ADD1: variants seen among roughly 807,000 people sequenced by gnomAD.
The protein encoded by ADD1 is adducin 1.
A neutral mutation model predicts 80.5 loss-of-function variants in ADD1; 24 were observed. The observed-to-expected ratio is 0.30, with a 90% CI of 0.22 to 0.42. The LOEUF (loss-of-function observed/expected upper bound fraction) is 0.42, where lower values mean the gene tolerates loss of function less well. Among genes scored for constraint, ADD1 ranks in the 10% least tolerant of loss-of-function variants. ADD1 has a pLI of 1.00. For synonymous variants in ADD1, 373 were observed against 393.8 expected (o/e 0.95, Z 0.63); for missense variants, 948 against 1,019.0 (o/e 0.93, Z 0.95).
At position 2,876,393 on chromosome 4, in the gene ADD1, A is replaced by G. The variant is rs1577515420; in HGVS notation, c.195+283A>G. 7 of 241,892 alleles carry G rather than the reference A, an allele frequency of 2.9e-5. No individual in the cohort carries two copies. In the East Asian group the frequency reaches 5.6e-4, roughly 19 times the overall value. 15.0% of individuals were successfully genotyped at this position (241,892 alleles called of 1,614,324 possible). On this transcript the variant is annotated intron_variant, in intron 2 of 15. Transcript: ENST00000683351. ...CCTTATATATTGGGGCAATTTTTAA[A>G]TTACAATTAAAAAAATACCTAGCTT... is the stretch of plus-strand genomic sequence containing the variant.
intron 4 of ADD1, among the ~76,000 whole-genome samples, chr4:2,893,003 C>G (rs1423466759): frequency 6.6e-6 from 1 of 152,090 alleles, no homozygotes; most frequent in Non-Finnish European, 1.5e-5. Flanking sequence ...GCAACCTCTG[C>G]CTCCTGGGTT....
intron 14 of ADD1, among the ~76,000 whole-genome samples, chr4:2,922,569 C>T (rs1219539264): frequency 6.6e-6 from 1 of 152,248 alleles, no homozygotes; most frequent in African/African-American, 2.4e-5. Context: ...TATGAGGTGT[C>T]TGTTGACCCC....
chr4:2,883,000 T>G (rs1365630421), intron 3 of ADD1, among the ~76,000 whole-genome samples: 1 of 152,166 alleles, frequency 6.6e-6, no homozygotes, highest in Non-Finnish European at 1.5e-5. Flanking sequence ...TAGCTGAGAT[T>G]ACAGGCACAC....
In ADD1 at chr4:2,926,122, G is replaced by A. The variant is rs1264079690; in HGVS notation, c.2047+10G>A. The A allele has an allele frequency of 6.2e-7, 1 of 1,610,682 alleles. No individual in the cohort carries two copies. The highest frequency in any genetic ancestry group is 1.3e-5 in the African/African-American group (1 of 74,894). On this transcript the variant is annotated intron_variant, in intron 15 of 15. Coordinates refer to ENST00000683351, the MANE Select transcript of ADD1 (RefSeq NM_001354761.2). The surrounding 1 kb of genome is among the most constrained non-coding windows in gnomAD (Gnocchi z 5.0). ...ATCAAGCTGGAGGAAGGTGAGCTCTGGGTGGCAGCGGCCGCCACTGTGGGA... is the reference window on the plus strand; with the variant it reads ...ATCAAGCTGGAGGAAGGTGAGCTCTAGGTGGCAGCGGCCGCCACTGTGGGA...
chr4:2,861,987 A>C (rs7654786), intron 1 of ADD1, among the ~76,000 whole-genome samples: 1 of 152,100 alleles, frequency 6.6e-6, no homozygotes, highest in South Asian at 2.1e-4. Flanking sequence ...GCCCGAGACA[A>C]TTCTTCTTCC....
At position 2,911,431 on chromosome 4, in the gene ADD1, C is replaced by CATAT. The variant is rs1553848842; in HGVS notation, c.1791+2015_1791+2018dup. ...GCAGCATAACATGTAACCTGAAATA[C>CATAT]ATATATATATATATATATTTTTTTT... is the stretch of plus-strand genomic sequence containing the variant. On this transcript the variant is annotated intron_variant, in intron 13 of 15. Coordinates refer to ENST00000683351, the MANE Select transcript of ADD1 (RefSeq NM_001354761.2). 3.2e-4 allele frequency among the ~76,000 whole-genome samples: 45 copies of CATAT among 140,884 alleles called. 1 individual carries two copies. Among genetic ancestry groups the CATAT allele is most frequent in the East Asian group, 2.5e-3 (12 of 4,886 alleles). The allele number at this position is 140,884 out of a possible 152,430, so 92.4% of individuals were successfully genotyped here. A position where few individuals can be genotyped will look rare whatever the true frequency, so the allele number is the denominator to read the frequency against.
chr4:2,874,252 AGTTC>A (rs1730894953), intron 1 of ADD1, among the ~76,000 whole-genome samples: 1 of 152,140 alleles, frequency 6.6e-6, no homozygotes, highest in Non-Finnish European at 1.5e-5. Flanking sequence ...TGAGGTCATT[AGTTC>A]GTTTATTCTA....
rs766815556 is a variant in ADD1, at chr4:2,928,370, G to C, written c.2247G>C (p.Pro749=). 4 of 1,613,312 alleles carry C rather than the reference G, an allele frequency of 2.5e-6. No homozygotes were observed. Among genetic ancestry groups the C allele is most frequent in the Non-Finnish European group, 3.4e-6 (4 of 1,179,850 alleles). ...ASPEPAPDPA[P]VAEEAAPSAV... ...CCGAGCCAGCCCCAGACCCAGCCCC[G>C]GTGGCTGAAGAGGCTGCCCCCTCAG... Residue 749 remains proline (P), a synonymous_variant, in exon 16 of 16, where the codon CCG becomes CCC. Coordinates refer to ENST00000683351, the MANE Select transcript of ADD1 (RefSeq NM_001354761.2).
At position 2,852,306 on chromosome 4, in the gene ADD1, C is replaced by CT. The variant is rs1171852927; in HGVS notation, c.-21+8290dup. On this transcript the variant is annotated intron_variant, in intron 1 of 15. Transcript: ENST00000683351. ...CTTTTCTTTTCTTTTCTTTTCTTTT[C>CT]TTTTTTTTCTTTTCTTTTCTTTCTT... Among the ~76,000 whole-genome samples the CT allele has an allele frequency of 2.8e-4, 17 of 60,394 alleles. 1 individual carries two copies. The highest frequency in any genetic ancestry group is 8.2e-4 in the African/African-American group (14 of 16,970). 39.6% of individuals were successfully genotyped at this position (60,394 alleles called of 152,430 possible). A position where few individuals can be genotyped will look rare whatever the true frequency, so the allele number is the denominator to read the frequency against.
At chr4:2,904,088 C>T (rs1317903459) in intron 9 of ADD1, among the ~76,000 whole-genome samples, 5 of 152,096 alleles carry the variant, frequency 3.3e-5, no homozygotes, top group Admixed American at 1.3e-4. Flanking sequence ...ATGAATATAA[C>T]CTGCACAGTG....
rs566351882 is a variant in ADD1 at position 2,926,474 on chromosome 4, G to T, written c.2047+362G>T. ...ACACGCCGGCTGCCTCTCAGCCACC[G>T]TGTGTCTGTGGTGTGTGATCCCGGG... On this transcript the variant is annotated intron_variant, in intron 15 of 15. Coordinates refer to ENST00000683351, the MANE Select transcript of ADD1 (RefSeq NM_001354761.2). The surrounding 1 kb of genome is among the most constrained non-coding windows in gnomAD (Gnocchi z 5.0). 2 of 749,862 alleles carry T rather than the reference G, an allele frequency of 2.7e-6. No homozygotes were observed. Among genetic ancestry groups the T allele is most frequent in the Non-Finnish European group, 4.6e-6 (2 of 436,066 alleles). The allele number at this position is 749,862 out of a possible 1,614,324, so 46.5% of individuals were successfully genotyped here.
chr4:2,852,927 A>G (rs1176425969), intron 1 of ADD1, among the ~76,000 whole-genome samples: 1 of 151,928 alleles, frequency 6.6e-6, no homozygotes, highest in Non-Finnish European at 1.5e-5. Flanking sequence ...GCAGGCCTGA[A>G]GGTGCTTTTA....
chr4:2,894,996 C>G (rs1045866365), intron 6 of ADD1, among the ~76,000 whole-genome samples: 7 of 152,124 alleles, frequency 4.6e-5, no homozygotes, highest in Non-Finnish European at 7.4e-5. Flanking sequence ...CATGGTGGCT[C>G]ATGCCTGTAA....
At chr4:2,865,031 G>C (rs1051230789) in intron 1 of ADD1, among the ~76,000 whole-genome samples, 7 of 152,126 alleles carry the variant, frequency 4.6e-5, no homozygotes, top group African/African-American at 1.7e-4. Flanking sequence ...CCAGCTCCCT[G>C]TTCCTCCTTA....
At chr4:2,884,433 C>A (rs1024879816) in intron 3 of ADD1, 82 bp from the exon 4 acceptor site, 3 of 1,152,490 alleles carry the variant, frequency 2.6e-6, no homozygotes, top group Non-Finnish European at 3.6e-6. Context: ...TCAAGTGATC[C>A]TCCTGCCTTA....
At chr4:2,918,792 T>C (rs1440822693) in intron 14 of ADD1, among the ~76,000 whole-genome samples, 1 of 152,164 alleles carries the variant, frequency 6.6e-6, no homozygotes, top group Non-Finnish European at 1.5e-5. Flanking sequence ...TTGTCATTGG[T>C]TCTATTTATA....
At chr4:2,858,613 G>A (rs1161923568) in intron 1 of ADD1, among the ~76,000 whole-genome samples, 3 of 152,210 alleles carry the variant, frequency 2.0e-5, no homozygotes, top group Non-Finnish European at 4.4e-5. Context: ...AAACAGGATA[G>A]GGTGCATTAA....
chr4:2,923,719 C>T (rs1165715067), intron 14 of ADD1, among the ~76,000 whole-genome samples: 11 of 152,250 alleles, frequency 7.2e-5, no homozygotes, highest in Admixed American at 5.9e-4. Flanking sequence ...GTCATTGTGC[C>T]GGGCACATGC....
At chr4:2,909,261 C>T (rs1417394762) in intron 12 of ADD1, 78 bp from the exon 13 acceptor site, 2 of 1,259,758 alleles carry the variant, frequency 1.6e-6, no homozygotes, top group Non-Finnish European at 2.3e-6. Context: ...TGCTCTTAGC[C>T]AGCTCCATCC....
Sources: allele counts gnomAD v4.1 joint callset (sites outside exome capture counted in the v4.1 genomes callset), GRCh38; gene constraint gnomAD v4.1.1; non-coding constraint Gnocchi (gnomAD v3.1); transcripts MANE v1.5; gene names NCBI Gene and HGNC (gene_info 2026-07-23, HGNC 2026-07-21).